CNTN4: variants seen among roughly 807,000 people sequenced by gnomAD.
The protein encoded by CNTN4 is contactin 4.
In CNTN4, 77 loss-of-function variants were observed where a neutral mutation model predicts 122.5. The ratio of observed to expected loss-of-function variants is 0.63; its 90% CI spans 0.52 to 0.76. The LOEUF (loss-of-function observed/expected upper bound fraction) is 0.76. Among genes scored for constraint, CNTN4 ranks in the 30% least tolerant of loss-of-function variants. The pLI is 0.00. For synonymous variants in CNTN4, 512 were observed against 447.0 expected (o/e 1.15, Z -1.83); for missense variants, 1,256 against 1,259.1 (o/e 1.00, Z 0.04).
At chr3:2,407,125 A>G (rs1010072705) in intron 3 of CNTN4, among the ~76,000 whole-genome samples, 9 of 152,184 alleles carry the variant, frequency 5.9e-5, no homozygotes, top group African/African-American at 2.2e-4. Context: ...TTTTTATACA[A>G]CAGCGGACAA....
intron 14 of CNTN4, among the ~76,000 whole-genome samples, chr3:3,020,345 C>A (rs998939126): frequency 6.6e-6 from 1 of 152,130 alleles, no homozygotes; most frequent in Non-Finnish European, 1.5e-5. Context: ...GGGGGAGAAG[C>A]AGGGCACGTG....
chr3:2,384,341 T>G (rs987161187), intron 3 of CNTN4, among the ~76,000 whole-genome samples: 2 of 152,168 alleles, frequency 1.3e-5, no homozygotes, highest in African/African-American at 4.8e-5. Context: ...AGTCTAGCCG[T>G]GGCATGCTTC....
intron 3 of CNTN4, among the ~76,000 whole-genome samples, chr3:2,368,119 G>A (rs2045478509): frequency 1.4e-5 from 2 of 143,352 alleles, no homozygotes; most frequent in Non-Finnish European, 3.0e-5. Context: ...TGCAAGCTCT[G>A]CCTCCTGGGT....
At chr3:2,727,809 T>C (rs1046824348) in intron 4 of CNTN4, among the ~76,000 whole-genome samples, 1 of 152,242 alleles carries the variant, frequency 6.6e-6, no homozygotes, top group Non-Finnish European at 1.5e-5. Flanking sequence ...ACTTTGTGCC[T>C]TCAGACATAC....
chr3:2,186,121 C>T (rs1027326922), intron 2 of CNTN4, among the ~76,000 whole-genome samples: 23 of 150,588 alleles, frequency 1.5e-4, no homozygotes, highest in Non-Finnish European at 2.5e-4. Flanking sequence ...TGACGTTCCC[C>T]TTCCTGTGTC....
chr3:2,130,425 A>G (rs116314419), intron 2 of CNTN4, among the ~76,000 whole-genome samples: 3,294 of 152,310 alleles, frequency 0.022, 38 homozygotes, highest in Middle Eastern at 0.068. Context: ...TGAGAAACCT[A>G]CAAGTATAAA....
intron 4 of CNTN4, among the ~76,000 whole-genome samples, chr3:2,621,757 C>T (rs1403782762): frequency 6.6e-6 from 1 of 152,008 alleles, no homozygotes; most frequent in East Asian, 1.9e-4. Flanking sequence ...CAGTTGTAAG[C>T]AGCATTTTTC....
chr3:2,520,259 C>CTTTTTTTTTT lies in CNTN4; in HGVS notation c.-88-51135_-88-51126dup, dbSNP rs397988483. Among the ~76,000 whole-genome samples the CTTTTTTTTTT allele has an allele frequency of 5.1e-4, 38 of 74,466 alleles. 4 individuals carry two copies. The highest frequency in any genetic ancestry group is 2.3e-3 in the African/African-American group (32 of 13,850). 48.9% of individuals were successfully genotyped at this position (74,466 alleles called of 152,430 possible). On this transcript the variant is annotated intron_variant, in intron 3 of 24. Transcript: ENST00000418658. The stretch of plus-strand genomic sequence containing the variant: ...AAAAAGATAGGTTGGTGATTGCTTC[C>CTTTTTTTTTT]TTTTTTTTTTTTTTTTTTTTTTTTT...
In CNTN4 at chr3:3,035,968, T is replaced by C. The variant is rs139751269; in HGVS notation, c.1942+1178T>C. Among the ~76,000 whole-genome samples the C allele has an allele frequency of 4.2e-3, 633 of 152,268 alleles. 4 individuals carry two copies. The highest frequency in any genetic ancestry group is 0.014 in the African/African-American group (563 of 41,566). On this transcript the variant is annotated intron_variant, in intron 17 of 24. Transcript: ENST00000418658. ...ATTGTTAGCAGCAACACTTCCATCC[T>C]GTTTCCCTTTATTACATGTATACAG...
chr3:2,707,174 T>G (rs1274330840), intron 4 of CNTN4, among the ~76,000 whole-genome samples: 1 of 151,632 alleles, frequency 6.6e-6, no homozygotes, highest in Non-Finnish European at 1.5e-5. Context: ...GGCATGGTGA[T>G]GCATGCCTGT....
intron 2 of CNTN4, among the ~76,000 whole-genome samples, chr3:2,287,763 GAAGAAGAAGAAGA>G (rs2041992499): frequency 6.9e-6 from 1 of 145,224 alleles, no homozygotes; most frequent in Non-Finnish European, 1.5e-5. Context: ...AGAAGAAGAA[GAAGAAGAAGAAGA>G]AGGAGAAGAA....
intron 10 of CNTN4, 66 bp downstream of exon 10, chr3:2,887,290 C>A: frequency 1.4e-6 from 2 of 1,463,292 alleles, no homozygotes; most frequent in Non-Finnish European, 1.9e-6. Context: ...AAATCATAAG[C>A]TGAGAGGCAT....
At chr3:2,847,166 C>CAA (rs11456371) in intron 7 of CNTN4, among the ~76,000 whole-genome samples, 2,498 of 144,170 alleles carry the variant, frequency 0.017, 25 homozygotes, top group South Asian at 0.03. Flanking sequence ...GCAAATGTTG[C>CAA]AAAAAAAAAA....
intron 2 of CNTN4, among the ~76,000 whole-genome samples, chr3:2,185,149 C>G (rs930171830): frequency 3.3e-5 from 5 of 152,272 alleles, no homozygotes; most frequent in African/African-American, 1.2e-4. Flanking sequence ...ATTTGGCATT[C>G]TGCAGGGCAC....
intron 2 of CNTN4, among the ~76,000 whole-genome samples, chr3:2,335,308 AT>A (rs2043903308): frequency 2.4e-5 from 2 of 84,436 alleles, no homozygotes; most frequent in Non-Finnish European, 5.2e-5. Flanking sequence ...GATTAAAAAA[AT>A]GATTATAATG....
intron 2 of CNTN4, among the ~76,000 whole-genome samples, chr3:2,226,697 T>G (rs1403355956): frequency 4.6e-5 from 7 of 152,156 alleles, no homozygotes; most frequent in Non-Finnish European, 8.8e-5. Flanking sequence ...TTTATTAAGT[T>G]TATTAAAACT....
At chr3:2,432,905 C>G (rs1035245093) in intron 3 of CNTN4, among the ~76,000 whole-genome samples, 1 of 151,122 alleles carries the variant, frequency 6.6e-6, no homozygotes, top group Non-Finnish European at 1.5e-5. Context: ...ACAGCTCAGG[C>G]TTGAGTGATC....
At chr3:2,194,409 C>T (rs946990301) in intron 2 of CNTN4, among the ~76,000 whole-genome samples, 2 of 152,074 alleles carry the variant, frequency 1.3e-5, no homozygotes, top group African/African-American at 2.4e-5. Context: ...TGGAGGAAAC[C>T]ATGATCGCGC....
chr3:2,449,822 G>C (rs2048760340), intron 3 of CNTN4, among the ~76,000 whole-genome samples: 1 of 152,122 alleles, frequency 6.6e-6, no homozygotes, highest in African/African-American at 2.4e-5. Flanking sequence ...AGGACATTAT[G>C]CTAAGTAAAA....
Sources: gnomAD v4.1 joint callset for allele counts (sites outside exome capture counted in the v4.1 genomes callset) on GRCh38, gnomAD v4.1.1 for gene constraint, MANE v1.5 for transcripts, NCBI Gene and HGNC (gene_info 2026-07-23, HGNC 2026-07-21) for gene names.